Variants in INSC observed in about 807,000 individuals in gnomAD.
INSC encodes the protein INSC spindle orientation adaptor protein, also known as protein inscuteable homolog.
Under a neutral mutation model 58.6 loss-of-function variants are expected in INSC, and 67 were observed. The observed-to-expected ratio is 1.14, with a 90% CI of 0.94 to 1.40. INSC has a LOEUF of 1.40. Among genes scored for constraint, INSC ranks in the 40% most tolerant of loss-of-function variants. The pLI, the probability that INSC is intolerant of heterozygous loss-of-function variation, is 0.00. For missense variants in INSC, 714 were observed against 692.0 expected (o/e 1.03, Z -0.36); for synonymous variants, 262 against 276.1 (o/e 0.95, Z 0.51).
intron 1 of INSC, among the ~76,000 whole-genome samples, chr11:15,116,262 TG>T (rs1230328420): frequency 5.9e-5 from 9 of 152,370 alleles, no homozygotes; most frequent in African/African-American, 2.2e-4. Context: ...GTTTATACTC[TG>T]GATTACACTT....
At chr11:15,231,027 C>T (rs1851904616) in intron 9 of INSC, among the ~76,000 whole-genome samples, 2 of 152,204 alleles carry the variant, frequency 1.3e-5, no homozygotes, top group African/African-American at 2.4e-5. Flanking sequence ...CCAGCCCTCT[C>T]AGGTCCTGCG....
At chr11:15,204,883 G>A (rs533271907) in intron 7 of INSC, among the ~76,000 whole-genome samples, 10 of 152,268 alleles carry the variant, frequency 6.6e-5, no homozygotes, top group African/African-American at 2.4e-4. Flanking sequence ...TCCTTCAACC[G>A]TGAAGAGGTT....
intron 12 of INSC, 28 bp downstream of exon 12, chr11:15,240,551 TC>T: frequency 6.3e-7 from 1 of 1,599,616 alleles, no homozygotes; most frequent in Non-Finnish European, 8.5e-7. Flanking sequence ...CCCCAGCTTT[TC>T]CCCTGGCCTT....
chr11:15,211,514 A>G (rs1851024347), intron 7 of INSC, among the ~76,000 whole-genome samples: 1 of 152,150 alleles, frequency 6.6e-6, no homozygotes, highest in Non-Finnish European at 1.5e-5. Flanking sequence ...GTGTCTTTTG[A>G]TAAATAGAAA....
At chr11:15,191,146 A>G (rs1346777752) in intron 6 of INSC, among the ~76,000 whole-genome samples, 2 of 151,830 alleles carry the variant, frequency 1.3e-5, no homozygotes, top group East Asian at 1.9e-4. Context: ...ACGTCCGGCT[A>G]ATTTTTGTAT....
At chr11:15,200,684 A>G in intron 6 of INSC, 140 bp from the exon 7 acceptor site, 1 of 969,882 alleles carries the variant, frequency 1.0e-6, no homozygotes, top group South Asian at 1.6e-5. Flanking sequence ...GAGTGTGTGT[A>G]AGTGTGTGTG....
chr11:15,202,489 TGA>T (rs201546240), intron 7 of INSC, among the ~76,000 whole-genome samples: 3,825 of 152,072 alleles, frequency 0.025, 52 homozygotes, highest in Non-Finnish European at 0.032. Flanking sequence ...GAGAGGATGG[TGA>T]GAGAGAGAGG....
intron 7 of INSC, among the ~76,000 whole-genome samples, chr11:15,214,972 C>T (rs1294784437): frequency 6.6e-6 from 1 of 152,140 alleles, no homozygotes; most frequent in Admixed American, 6.5e-5. Flanking sequence ...AGAAGTAAAT[C>T]GATTCTTTAT....
At chr11:15,155,043 G>T (rs1166031588) in intron 2 of INSC, among the ~76,000 whole-genome samples, 1 of 152,184 alleles carries the variant, frequency 6.6e-6, no homozygotes. Flanking sequence ...GTATTCTATG[G>T]TGGGGTTGTG....
intron 7 of INSC, among the ~76,000 whole-genome samples, chr11:15,217,847 C>G (rs887613776): frequency 3.3e-5 from 5 of 152,036 alleles, no homozygotes; most frequent in Admixed American, 2.6e-4. Flanking sequence ...ATTTTTGTAG[C>G]CATAAAATTG....
chr11:15,189,140 A>G (rs1165710457), intron 5 of INSC, among the ~76,000 whole-genome samples: 1 of 152,226 alleles, frequency 6.6e-6, no homozygotes, highest in Non-Finnish European at 1.5e-5. Flanking sequence ...GACAAAAGGG[A>G]GAGCCACTTA....
chr11:15,116,984 C>T (rs112741246), intron 1 of INSC, among the ~76,000 whole-genome samples: 5,313 of 141,076 alleles, frequency 0.038, 209 homozygotes, highest in African/African-American at 0.096. Context: ...GCTCTATCGC[C>T]CAGGCTGGAG....
rs377057311 is a variant in INSC at position 15,129,166 on chromosome 11, T to G, written c.-46+14163T>G. On this transcript the variant is annotated intron_variant, in intron 1 of 12. Coordinates refer to ENST00000379556, the MANE Select transcript of INSC (RefSeq NM_001042536.3). Reference sequence around the variant, plus strand: ...ACCCCATTCACTTTCTATTTGTAATTTGGGATCTGTGTGTGAGAGCTCTGA... The same window carrying G: ...ACCCCATTCACTTTCTATTTGTAATGTGGGATCTGTGTGTGAGAGCTCTGA... Among the ~76,000 whole-genome samples the G allele has an allele frequency of 5.5e-4, 84 of 152,252 alleles. 1 individual carries two copies. In the South Asian group the frequency reaches 0.017, roughly 31 times the overall value.
Position 15,237,510 on chromosome 11 carries a change from G to A in INSC, c.1238-1409G>A, listed in dbSNP as rs73426600. ...CCTGCTCTTTCAGGAAACAGTGGCA[G>A]TCTCACGGGGTTTACCTGAAGAGAG... is the stretch of plus-strand genomic sequence containing the variant. On this transcript the variant is annotated intron_variant, in intron 10 of 12. Coordinates refer to ENST00000379556, the MANE Select transcript of INSC (RefSeq NM_001042536.3). Among the ~76,000 whole-genome samples the A allele has an allele frequency of 2.5e-3, 384 of 152,338 alleles. 3 individuals carry two copies. The highest frequency in any genetic ancestry group is 8.8e-3 in the African/African-American group (365 of 41,570).
the INSC span, among the ~76,000 whole-genome samples, chr11:15,268,691 C>T: frequency 6.6e-6 from 1 of 152,042 alleles, no homozygotes; most frequent in Non-Finnish European, 1.5e-5. Context: ...GTACTTTAAG[C>T]CCCATGCTAC....
At chr11:15,164,606 C>G (rs959895137) in intron 2 of INSC, among the ~76,000 whole-genome samples, 2 of 152,198 alleles carry the variant, frequency 1.3e-5, no homozygotes, top group African/African-American at 4.8e-5. Context: ...CCACTGTTCT[C>G]AAATTCCCAT....
intron 8 of INSC, among the ~76,000 whole-genome samples, chr11:15,222,595 C>T (rs930820544): frequency 6.6e-6 from 1 of 152,210 alleles, no homozygotes; most frequent in East Asian, 1.9e-4. Flanking sequence ...CCGCCACTCA[C>T]TTCTTACCAT....
the INSC span, among the ~76,000 whole-genome samples, chr11:15,262,212 CCTGA>C: frequency 5.3e-5 from 8 of 151,920 alleles, no homozygotes; most frequent in Admixed American, 4.6e-4. Context: ...GATGAGGTAC[CCTGA>C]CTGACACACA....
At chr11:15,138,643 A>G (rs1848300981) in intron 1 of INSC, among the ~76,000 whole-genome samples, 1 of 152,200 alleles carries the variant, frequency 6.6e-6, no homozygotes, top group Admixed American at 6.5e-5. Context: ...TAGGAAATGG[A>G]TCCTTCATTG....
Sources: allele counts gnomAD v4.1 joint callset (sites outside exome capture counted in the v4.1 genomes callset), GRCh38; gene constraint gnomAD v4.1.1; transcripts MANE v1.5; gene names NCBI Gene and HGNC (gene_info 2026-07-23, HGNC 2026-07-21).